The following SOBP variants were observed in gnomAD, a reference collection of about 807,000 sequenced individuals.
SOBP encodes sine oculis-binding protein homolog.
SOBP carries 4 observed loss-of-function variants against 53.6 expected under a neutral mutation model. That is an observed-to-expected ratio of 0.07 (90% confidence interval 0.04 to 0.17). SOBP has a LOEUF of 0.17. Among genes scored for constraint, SOBP ranks in the 10% least tolerant of loss-of-function variants. The probability of loss-of-function intolerance (pLI) is 1.00; values close to 1 mark genes in which losing one functional copy is unlikely to be tolerated. For synonymous variants in SOBP, 584 were observed against 522.6 expected, an observed-to-expected ratio of 1.12 and a Z score of -1.60; for missense variants, 1,088 against 1,204.7, an observed-to-expected ratio of 0.90 and a Z score of 1.43.
rs1438069750 is a variant in SOBP, at chr6:107,634,702, G to A, written c.1858G>A (p.Val620Met). Residue 620 changes from valine (V) to methionine (M), a missense_variant, in exon 6 of 7, where the codon GTG becomes ATG. This residue lies in a region of SOBP where 665 missense variants were observed against 629.7 expected (regional missense o/e 1.06). Transcript: ENST00000317357. This position sits in a 1 kb window ranked among gnomAD's most constrained non-coding sequence, Gnocchi z 4.5. ...GCCCGCCGAGCATGGCCGGAGCGAG[G>A]TGGTGGACCTGACGCGGCGCGCCGG... ...PTPAEHGRSE[V>M]VDLTRRAGSP... The A allele has an allele frequency of 6.9e-7, 1 of 1,441,382 alleles. No homozygotes were observed. The highest frequency in any genetic ancestry group is 9.1e-7 in the Non-Finnish European group (1 of 1,103,340). The allele number at this position is 1,441,382 out of a possible 1,614,324, so 89.3% of individuals were successfully genotyped here.
At chr6:107,632,128 A>C (rs1402276831) in intron 5 of SOBP, among the ~76,000 whole-genome samples, 1 of 152,236 alleles carries the variant, frequency 6.6e-6, no homozygotes, top group Non-Finnish European at 1.5e-5. Context: ...AGTTTATGAT[A>C]GTTTTTTTAA....
At chr6:107,655,910 A>G in intron 6 of SOBP, among the ~76,000 whole-genome samples, 1 of 152,224 alleles carries the variant, frequency 6.6e-6, no homozygotes, top group Non-Finnish European at 1.5e-5. Flanking sequence ...AAGCTACATT[A>G]TTAAAAAAGC....
chr6:107,590,320 A>G (rs902726104), intron 5 of SOBP, among the ~76,000 whole-genome samples: 4 of 152,204 alleles, frequency 2.6e-5, no homozygotes, highest in African/African-American at 7.2e-5. Context: ...GAAGGAACTG[A>G]AGACTCCTGA....
chr6:107,533,616 A>G lies in SOBP; in HGVS notation c.573+6A>G. 6.2e-7 allele frequency: 1 copy of G among 1,613,820 alleles called. No individual in the cohort carries two copies. The highest frequency in any genetic ancestry group is 8.5e-7 in the Non-Finnish European group (1 of 1,179,842). ...CCTACTTCAAGAGAAATAAGGTAAG[A>G]GCACCGGAGAGAGAGGCGGCCCCCC... On this transcript the variant is annotated splice_donor_region_variant and intron_variant, in intron 4 of 6. Coordinates refer to ENST00000317357, the MANE Select transcript of SOBP (RefSeq NM_018013.4).
rs1408256825 is a variant in SOBP, at chr6:107,634,306, C to G, written c.1462C>G (p.Leu488Val). Residue 488 changes from leucine (L) to valine (V), a missense_variant, in exon 6 of 7, where the codon CTT becomes GTT. Around this residue, in one of 6 missense-constraint regions of SOBP, gnomAD observed 665 missense variants for 629.7 expected, o/e 1.06. Coordinates refer to ENST00000317357, the MANE Select transcript of SOBP (RefSeq NM_018013.4). This position sits in a 1 kb window ranked among gnomAD's most constrained non-coding sequence, Gnocchi z 4.5. Reference protein sequence around the residue: ...PPPPGAPLPSLPFPPVSMMPN... With the variant: ...PPPPGAPLPSVPFPPVSMMPN... ...GCCTCCGGGCGCCCCGCTGCCGAGTCTTCCCTTCCCGCCAGTGAGCATGAT... is the reference window on the plus strand; with the variant it reads ...GCCTCCGGGCGCCCCGCTGCCGAGTGTTCCCTTCCCGCCAGTGAGCATGAT... 2.5e-6 allele frequency: 4 copies of G among 1,571,282 alleles called. No homozygotes were observed. Among genetic ancestry groups the G allele is most frequent in the South Asian group, 2.3e-5 (2 of 87,772 alleles).
chr6:107,509,775 A>G (rs1323286727), intron 3 of SOBP: 1 of 152,232 alleles, frequency 6.6e-6, no homozygotes, highest in Non-Finnish European at 1.5e-5. Flanking sequence ...TCTTAGATGT[A>G]GGAACTCTGA....
chr6:107,563,115 G>A (rs931799583), intron 4 of SOBP, among the ~76,000 whole-genome samples: 1 of 151,834 alleles, frequency 6.6e-6, no homozygotes, highest in African/African-American at 2.4e-5. Context: ...AAATTAGCTG[G>A]GCATGGTGGT....
intron 6 of SOBP, among the ~76,000 whole-genome samples, chr6:107,656,295 G>GAAAAAC (rs1431178333): frequency 2.2e-4 from 3 of 13,450 alleles, no homozygotes; most frequent in East Asian, 0.011. Context: ...AGAAAAGAAA[G>GAAAAAC]AAAGAAAGAA....
At chr6:107,555,310 A>G (rs1006526489) in intron 4 of SOBP, among the ~76,000 whole-genome samples, 1 of 152,190 alleles carries the variant, frequency 6.6e-6, no homozygotes, top group Admixed American at 6.5e-5. Context: ...TATTATTCAT[A>G]GAAGAGTCGC....
At chr6:107,574,208 T>C (rs929034368) in intron 4 of SOBP, among the ~76,000 whole-genome samples, 1 of 152,202 alleles carries the variant, frequency 6.6e-6, no homozygotes, top group Non-Finnish European at 1.5e-5. Flanking sequence ...TGACTGAAAT[T>C]TCTTTGTTAT....
chr6:107,644,119 A>T (rs1213799496), intron 6 of SOBP, among the ~76,000 whole-genome samples: 1 of 152,216 alleles, frequency 6.6e-6, no homozygotes, highest in Non-Finnish European at 1.5e-5. Context: ...CCTGGCCAAC[A>T]TGGGGAAACC....
chr6:107,573,818 A>G (rs539401466), intron 4 of SOBP, among the ~76,000 whole-genome samples: 5 of 152,392 alleles, frequency 3.3e-5, no homozygotes, highest in Non-Finnish European at 7.3e-5. Context: ...AGTTTTAAAC[A>G]GGCTATAAAT....
chr6:107,548,008 A>G (rs55814231), intron 4 of SOBP, among the ~76,000 whole-genome samples: 2,119 of 152,302 alleles, frequency 0.014, 51 homozygotes, highest in African/African-American at 0.048. Context: ...ACCCAGTCCC[A>G]TGATTTAGTT....
rs112312196 is a variant in SOBP, at chr6:107,548,453, A to G, written c.573+14843A>G. ...GAGACAGGGTTTCATTGTGTTAGCCAGGATGGTCTCCATCTCCTGACCTCG... is the reference window on the plus strand; with the variant it reads ...GAGACAGGGTTTCATTGTGTTAGCCGGGATGGTCTCCATCTCCTGACCTCG... On this transcript the variant is annotated intron_variant, in intron 4 of 6. Coordinates refer to ENST00000317357, the MANE Select transcript of SOBP (RefSeq NM_018013.4). 1.7e-4 allele frequency among the ~76,000 whole-genome samples: 26 copies of G among 152,116 alleles called. 2 individuals carry two copies. The highest frequency in any genetic ancestry group is 4.6e-4 in the African/African-American group (19 of 41,534).
rs201924344 is a variant in SOBP at position 107,573,730 on chromosome 6, CAA to C, written c.574-13349_574-13348del. ...CTTCCTTAAAATTCTTGCCTGCTAA[CAA>C]GAGTATTTTCTACTTCCTGCCTTTT... On this transcript the variant is annotated intron_variant, in intron 4 of 6. Transcript: ENST00000317357. 9.1e-3 allele frequency among the ~76,000 whole-genome samples: 1,382 copies of C among 152,276 alleles called. 15 individuals are homozygous for C. The highest frequency in any genetic ancestry group is 0.025 in the African/African-American group (1,024 of 41,550).
At chr6:107,617,562 T>C (rs1405975082) in intron 5 of SOBP, among the ~76,000 whole-genome samples, 1 of 152,238 alleles carries the variant, frequency 6.6e-6, no homozygotes, top group Non-Finnish European at 1.5e-5. Flanking sequence ...GTCCAGCTGA[T>C]GTAAATAGAT....
At position 107,513,661 on chromosome 6, in the gene SOBP, A is replaced by G. The variant is rs144720765; in HGVS notation, c.421+7234A>G. Among the ~76,000 whole-genome samples the G allele has an allele frequency of 4.2e-3, 645 of 152,048 alleles. 3 individuals are homozygous for G. Among genetic ancestry groups the G allele is most frequent in the African/African-American group, 0.015 (616 of 41,518 alleles). Reference sequence around the variant, plus strand: ...CCAACTTTTAAAATATGATTATTAAATAAAATTACCTAGAGTTAATGGGAT... The same window carrying G: ...CCAACTTTTAAAATATGATTATTAAGTAAAATTACCTAGAGTTAATGGGAT... On this transcript the variant is annotated intron_variant, in intron 3 of 6. Coordinates refer to ENST00000317357, the MANE Select transcript of SOBP (RefSeq NM_018013.4).
intron 2 of SOBP, 110 bp downstream of exon 2, chr6:107,503,905 A>G (rs571802810): frequency 2.4e-5 from 31 of 1,314,924 alleles, no homozygotes; most frequent in Admixed American, 5.1e-5. Flanking sequence ...GATTATGCCA[A>G]TGGTTGATTT....
chr6:107,534,090 C>G lies in SOBP; in HGVS notation c.573+480C>G, dbSNP rs1783921954. ...GTTCTTGTCAAGAAAAATGTCAAGT[C>G]TCTCTTGACATCTTATGTTAAAGCT... On this transcript the variant is annotated intron_variant, in intron 4 of 6. Transcript: ENST00000317357. 2.0e-5 allele frequency among the ~76,000 whole-genome samples: 3 copies of G among 152,302 alleles called. No individual in the cohort carries two copies. The East Asian group carries it at 5.8e-4, about 29-fold the overall frequency.
Sources: gnomAD v4.1 joint callset for allele counts (sites outside exome capture counted in the v4.1 genomes callset) on GRCh38, gnomAD v4.1.1 for gene constraint, gnomAD v4.1.1 regional missense constraint, Gnocchi (gnomAD v3.1) non-coding constraint, MANE v1.5 for transcripts, NCBI Gene and HGNC (gene_info 2026-07-23, HGNC 2026-07-21) for gene names.